Variants in DLG2 observed in about 807,000 individuals in gnomAD.
The protein encoded by DLG2 is disks large homolog 2.
In DLG2, 45 loss-of-function variants were observed where a neutral mutation model predicts 132.5. The ratio of observed to expected loss-of-function variants is 0.34; its 90% confidence interval spans 0.27 to 0.44. The LOEUF is 0.44. DLG2 is among the 20% of genes least tolerant of loss of function. DLG2 has a pLI of 1.00. For missense variants in DLG2, 1,045 were observed against 1,196.9 expected (o/e 0.87, Z 1.87); for synonymous variants, 424 against 419.6 (o/e 1.01, Z -0.13).
intron 3 of DLG2, among the ~76,000 whole-genome samples, chr11:85,416,422 C>G (rs1285485805): frequency 6.6e-6 from 1 of 152,036 alleles, no homozygotes; most frequent in Admixed American, 6.6e-5. Context: ...CTTGGCTATA[C>G]AGACTGTTTT....
At chr11:83,874,570 G>A in intron 15 of DLG2, 82 bp from the exon 16 acceptor site, 5 of 1,124,610 alleles carry the variant, frequency 4.4e-6, no homozygotes, top group Non-Finnish European at 6.1e-6. Flanking sequence ...AAGTTTTAGG[G>A]TACATGTGCA....
At chr11:85,252,610 T>C (rs2076455280) in intron 4 of DLG2, among the ~76,000 whole-genome samples, 2 of 151,968 alleles carry the variant, frequency 1.3e-5, no homozygotes, top group Non-Finnish European at 1.5e-5. Context: ...TAAAAAAAGT[T>C]AGGAATGGAC....
chr11:85,315,944 G>A (rs973644503), intron 3 of DLG2, among the ~76,000 whole-genome samples: 1 of 151,976 alleles, frequency 6.6e-6, no homozygotes. Flanking sequence ...CAGGGTGAAA[G>A]GTTCTCCCTC....
chr11:84,777,744 G>C (rs2070935609), intron 6 of DLG2, among the ~76,000 whole-genome samples: 1 of 151,866 alleles, frequency 6.6e-6, no homozygotes, highest in Non-Finnish European at 1.5e-5. Flanking sequence ...TATACCAGTT[G>C]TATGTCTTCT....
In DLG2 at chr11:84,918,517, C is replaced by T. The variant is rs139021204; in HGVS notation, c.357+193144G>A. Among the ~76,000 whole-genome samples the T allele has an allele frequency of 5.9e-5, 9 of 152,142 alleles. No homozygotes were observed. In the East Asian group the frequency reaches 7.7e-4, roughly 13 times the overall value. On this transcript the variant is annotated intron_variant, in intron 6 of 27. Coordinates refer to ENST00000376104, the MANE Select transcript of DLG2 (RefSeq NM_001142699.3). The stretch of plus-strand genomic sequence containing the variant: ...CAGGAAAACAACTCTAGAAAATGAT[C>T]GGGGCAGAGAGGGTGGGGTGTTTGG...
intron 9 of DLG2, among the ~76,000 whole-genome samples, chr11:84,143,129 TGCCA>T (rs1173555457): frequency 1.3e-5 from 2 of 152,172 alleles, no homozygotes; most frequent in African/African-American, 4.8e-5. Flanking sequence ...ATCTACCTTG[TGCCA>T]GGTGCTGGGA....
At chr11:84,139,287 A>AC (rs2094737028) in intron 9 of DLG2, among the ~76,000 whole-genome samples, 1 of 152,110 alleles carries the variant, frequency 6.6e-6, no homozygotes. Context: ...AATTCCAGGC[A>AC]CCACAGTAGG....
chr11:85,220,636 A>AT (rs879391697), intron 4 of DLG2, among the ~76,000 whole-genome samples: 273 of 149,670 alleles, frequency 1.8e-3, no homozygotes, highest in Non-Finnish European at 2.4e-3. Context: ...ATAGAAAAAA[A>AT]AATATATATA....
intron 6 of DLG2, among the ~76,000 whole-genome samples, chr11:84,678,687 A>C (rs1361917337): frequency 6.6e-6 from 1 of 152,114 alleles, no homozygotes; most frequent in Non-Finnish European, 1.5e-5. Context: ...CTCAACAGCT[A>C]GCCAGCTTCT....
intron 6 of DLG2, among the ~76,000 whole-genome samples, chr11:84,631,016 TCTCACACACACACACACA>T (rs1200573855): frequency 1.6e-5 from 2 of 122,492 alleles, no homozygotes; most frequent in African/African-American, 7.2e-5. Flanking sequence ...TCTCTCTCTC[TCTCACACACACACACACA>T]CACACACACA....
intron 6 of DLG2, among the ~76,000 whole-genome samples, chr11:84,756,252 A>G (rs1350188890): frequency 6.6e-6 from 1 of 152,234 alleles, no homozygotes; most frequent in Non-Finnish European, 1.5e-5. Context: ...TAGGAGAAAG[A>G]AGCAATAAGT....
intron 7 of DLG2, among the ~76,000 whole-genome samples, chr11:84,307,857 C>T (rs755173872): frequency 1.3e-5 from 2 of 151,738 alleles, no homozygotes; most frequent in Non-Finnish European, 2.9e-5. Context: ...AGTGAAGCTG[C>T]GGACCTTCGC....
At chr11:84,793,634 A>G (rs1413385536) in intron 6 of DLG2, among the ~76,000 whole-genome samples, 2 of 151,874 alleles carry the variant, frequency 1.3e-5, no homozygotes, top group East Asian at 1.9e-4. Context: ...TGCTGTACGG[A>G]CCCCTTTATC....
chr11:85,262,266 C>T (rs1461545659), intron 4 of DLG2, among the ~76,000 whole-genome samples: 1 of 152,174 alleles, frequency 6.6e-6, no homozygotes, highest in Admixed American at 6.5e-5. Context: ...ACAACTGTTT[C>T]AGCACTGACT....
chr11:85,386,533 AATAAG>A (rs1211122473), intron 3 of DLG2, among the ~76,000 whole-genome samples: 29 of 152,146 alleles, frequency 1.9e-4, no homozygotes, highest in Non-Finnish European at 4.1e-4. Flanking sequence ...TTAAATACTA[AATAAG>A]ATAATATATG....
chr11:84,376,386 C>T (rs903460512), intron 7 of DLG2, among the ~76,000 whole-genome samples: 2 of 151,788 alleles, frequency 1.3e-5, no homozygotes, highest in Non-Finnish European at 2.9e-5. Flanking sequence ...GAAAATCATT[C>T]TAGAAATGTA....
At chr11:84,497,722 T>G (rs897307576) in intron 7 of DLG2, among the ~76,000 whole-genome samples, 6 of 152,208 alleles carry the variant, frequency 3.9e-5, no homozygotes, top group African/African-American at 1.2e-4. Flanking sequence ...TAATGAAGTA[T>G]GTCAACCTCC....
chr11:85,090,542 A>C (rs975628839), intron 6 of DLG2, among the ~76,000 whole-genome samples: 1 of 152,196 alleles, frequency 6.6e-6, no homozygotes, highest in East Asian at 1.9e-4. Flanking sequence ...TAACCATGAC[A>C]AATACTTTTT....
rs998539815 is a variant in DLG2, at chr11:84,451,169, G to T, written c.519+83401C>A. ...CGAAGGAAAAATTTTCATTTGCATG[G>T]CCTCTTCTTTCATTATAAATGTTTG... is the stretch of plus-strand genomic sequence containing the variant. On this transcript the variant is annotated intron_variant, in intron 7 of 27. Coordinates refer to ENST00000376104, the MANE Select transcript of DLG2 (RefSeq NM_001142699.3). Among the ~76,000 whole-genome samples, 13 of 151,762 alleles carry T rather than the reference G, an allele frequency of 8.6e-5. 1 individual carries two copies. Among genetic ancestry groups the T allele is most frequent in the African/African-American group, 3.1e-4 (13 of 41,380 alleles).
Sources: gnomAD v4.1 joint callset for allele counts (sites outside exome capture counted in the v4.1 genomes callset) on GRCh38, gnomAD v4.1.1 for gene constraint, MANE v1.5 for transcripts, NCBI Gene and HGNC (gene_info 2026-07-23, HGNC 2026-07-21) for gene names.